Variants in DGKB observed in about 807,000 individuals in gnomAD.
The protein encoded by DGKB is 90 kDa diacylglycerol kinase.
DGKB carries 67 observed loss-of-function variants against 114.3 expected under a neutral mutation model. The observed-to-expected ratio is 0.59, with a 90% CI of 0.48 to 0.72. The LOEUF (loss-of-function observed/expected upper bound fraction) is 0.72. Among genes scored for constraint, DGKB ranks in the 30% least tolerant of loss-of-function variants. The pLI is 0.00. For synonymous variants in DGKB, 398 were observed against 323.1 expected (o/e 1.23, Z -2.49); for missense variants, 907 against 975.2 (o/e 0.93, Z 0.93).
At chr7:14,231,835 G>C (rs537681930) in intron 23 of DGKB, among the ~76,000 whole-genome samples, 165 of 152,086 alleles carry the variant, frequency 1.1e-3, no homozygotes, top group Non-Finnish European at 2.0e-3. Context: ...GTGAAGTTTT[G>C]ACATTTCTAA....
intron 6 of DGKB, among the ~76,000 whole-genome samples, 178 bp from the exon 7 acceptor site, chr7:14,701,908 AAT>A (rs1825260714): frequency 8.2e-6 from 1 of 122,204 alleles, no homozygotes; most frequent in Non-Finnish European, 1.9e-5. Context: ...TTAATTAGTT[AAT>A]AGAAATACTG....
chr7:14,650,916 C>T (rs1025171116), intron 13 of DGKB, among the ~76,000 whole-genome samples: 13 of 152,114 alleles, frequency 8.5e-5, no homozygotes, highest in South Asian at 2.1e-4. Flanking sequence ...ATAAACTCCT[C>T]GACACATACA....
chr7:14,350,173 C>T (rs1217813955), intron 21 of DGKB, among the ~76,000 whole-genome samples: 3 of 152,094 alleles, frequency 2.0e-5, no homozygotes, highest in Non-Finnish European at 2.9e-5. Flanking sequence ...AATTTTGCTT[C>T]TTTTACGTAT....
At chr7:14,438,976 T>C (rs1232920918) in intron 21 of DGKB, among the ~76,000 whole-genome samples, 1 of 140,376 alleles carries the variant, frequency 7.1e-6, no homozygotes, top group Non-Finnish European at 1.6e-5. Flanking sequence ...TATATTATAA[T>C]GGGGGAAGCC....
At chr7:14,231,122 TCTTTC>T (rs1175111963) in intron 23 of DGKB, among the ~76,000 whole-genome samples, 3 of 126,154 alleles carry the variant, frequency 2.4e-5, no homozygotes, top group Non-Finnish European at 5.1e-5. Flanking sequence ...TTTCTTTCTT[TCTTTC>T]TTTCTTTCTT....
At chr7:14,443,395 T>G (rs1364681819) in intron 21 of DGKB, among the ~76,000 whole-genome samples, 1 of 152,114 alleles carries the variant, frequency 6.6e-6, no homozygotes, top group Non-Finnish European at 1.5e-5. Context: ...AACCTTTTAT[T>G]CTGGGCAAAA....
chr7:14,685,795 A>G (rs1821576708), intron 9 of DGKB, among the ~76,000 whole-genome samples: 1 of 152,228 alleles, frequency 6.6e-6, no homozygotes, highest in Admixed American at 6.5e-5. Flanking sequence ...CTTGCTTACT[A>G]GTAGTAATAT....
chr7:14,543,645 G>C (rs1318326171), intron 20 of DGKB, among the ~76,000 whole-genome samples: 1 of 152,144 alleles, frequency 6.6e-6, no homozygotes, highest in Non-Finnish European at 1.5e-5. Context: ...GCTCACAGTA[G>C]TGTGCAGATA....
At chr7:14,592,561 T>G (rs1465887965) in intron 17 of DGKB, among the ~76,000 whole-genome samples, 3 of 151,942 alleles carry the variant, frequency 2.0e-5, no homozygotes, top group African/African-American at 7.2e-5. Flanking sequence ...GAAACAATAT[T>G]TATGGTCTAG....
intron 13 of DGKB, among the ~76,000 whole-genome samples, chr7:14,671,523 G>A (rs544296223): frequency 3.9e-5 from 6 of 152,198 alleles, no homozygotes; most frequent in South Asian, 2.1e-4. Flanking sequence ...GAAAATTCAC[G>A]TAACACACGC....
At chr7:14,923,917 C>G (rs897024341) in intron 1 of DGKB, among the ~76,000 whole-genome samples, 5 of 144,162 alleles carry the variant, frequency 3.5e-5, no homozygotes, top group African/African-American at 1.3e-4. Flanking sequence ...ATCTCTTGAA[C>G]CCGGGAGGCG....
intron 2 of DGKB, among the ~76,000 whole-genome samples, chr7:14,795,904 T>G (rs1841342815): frequency 6.6e-6 from 1 of 152,324 alleles, no homozygotes; most frequent in Non-Finnish European, 1.5e-5. Context: ...ATTTCAAAAA[T>G]GTTTGCACCA....
intron 2 of DGKB, among the ~76,000 whole-genome samples, chr7:14,780,170 A>C (rs1838851358): frequency 6.6e-6 from 1 of 152,090 alleles, no homozygotes; most frequent in African/African-American, 2.4e-5. Flanking sequence ...CGGGACCTAG[A>C]CCCAGCCTAA....
intron 21 of DGKB, among the ~76,000 whole-genome samples, chr7:14,434,449 A>T (rs1259055253): frequency 6.6e-6 from 1 of 152,134 alleles, no homozygotes; most frequent in African/African-American, 2.4e-5. Flanking sequence ...AGAGATGACT[A>T]CAAAAGAGGT....
chr7:14,769,281 A>AGAAAGATT lies in DGKB; in HGVS notation c.71-11551_71-11550insAATCTTTC, dbSNP rs1460584162. On this transcript the variant is annotated intron_variant, in intron 2 of 25. Transcript: ENST00000402815. ...AAGAAAGAAAGAAAGAAAGAAAGAA[A>AGAAAGATT]GATTTTGTAAAGGAGTTTAGTTACA... Among the ~76,000 whole-genome samples, 4 of 149,316 alleles carry AGAAAGATT rather than the reference A, an allele frequency of 2.7e-5. No homozygotes were observed. In the East Asian group the frequency reaches 6.0e-4, roughly 23 times the overall value.
intron 6 of DGKB, among the ~76,000 whole-genome samples, chr7:14,713,568 G>T (rs1827703972): frequency 6.7e-6 from 1 of 149,562 alleles, no homozygotes; most frequent in African/African-American, 2.4e-5. Flanking sequence ...AAGTAGCTCA[G>T]AAATTATGGA....
At chr7:14,913,050 A>T (rs1444369165) in intron 1 of DGKB, among the ~76,000 whole-genome samples, 2 of 152,076 alleles carry the variant, frequency 1.3e-5, no homozygotes, top group African/African-American at 4.8e-5. Flanking sequence ...AGTTTCATCA[A>T]GAAAGGTGGT....
chr7:14,272,861 A>G (rs1798464614), intron 23 of DGKB, among the ~76,000 whole-genome samples: 1 of 152,156 alleles, frequency 6.6e-6, no homozygotes, highest in Non-Finnish European at 1.5e-5. Flanking sequence ...CTGAATAATG[A>G]GTTTGAAAGG....
chr7:14,256,164 T>G (rs924422936), intron 23 of DGKB, among the ~76,000 whole-genome samples: 2 of 152,178 alleles, frequency 1.3e-5, no homozygotes, highest in Non-Finnish European at 2.9e-5. Flanking sequence ...ACTGAATCAG[T>G]TTTTACTTTT....
Sources: allele counts gnomAD v4.1 joint callset (sites outside exome capture counted in the v4.1 genomes callset), GRCh38; gene constraint gnomAD v4.1.1; transcripts MANE v1.5; gene names NCBI Gene and HGNC (gene_info 2026-07-23, HGNC 2026-07-21).